The following SNRNP70 variants were observed in gnomAD, a reference collection of about 807,000 sequenced individuals.
SNRNP70 encodes U1 small nuclear ribonucleoprotein 70 kDa.
Under a neutral mutation model 50.5 loss-of-function variants are expected in SNRNP70, and 8 were observed. That is an observed-to-expected ratio of 0.16 (90% CI 0.09 to 0.29). The LOEUF (loss-of-function observed/expected upper bound fraction) is 0.29, where lower values mean the gene tolerates loss of function less well. Among genes scored for constraint, SNRNP70 ranks in the 10% least tolerant of loss-of-function variants. The pLI, the probability that SNRNP70 is intolerant of heterozygous loss-of-function variation, is 1.00. For synonymous variants in SNRNP70, 320 were observed against 252.9 expected, an observed-to-expected ratio of 1.27 and a Z score of -2.52; for missense variants, 529 against 663.5, an observed-to-expected ratio of 0.80 and a Z score of 2.23.
chr19:49,098,753 G>C (rs776571012), intron 6 of SNRNP70, 49 bp downstream of exon 6: 1 of 1,471,264 alleles, frequency 6.8e-7, no homozygotes, highest in South Asian at 1.1e-5. Flanking sequence ...ATGGAGGAGG[G>C]GCTGTATCCT....
chr19:49,085,788 T>C (rs1018204366), intron 1 of SNRNP70, among the ~76,000 whole-genome samples, 152 bp downstream of exon 1: 1 of 152,182 alleles, frequency 6.6e-6, no homozygotes, highest in African/African-American at 2.4e-5. Context: ...CCCCGAAATC[T>C]CTGGGCACCC....
At chr19:49,087,489 C>T (rs1221486950) in intron 2 of SNRNP70, 1 of 152,142 alleles carries the variant, frequency 6.6e-6, no homozygotes, top group Non-Finnish European at 1.5e-5. Flanking sequence ...AGATGATGTT[C>T]ATAAAGGCTT....
At chr19:49,094,201 G>A (rs1386198727) in intron 4 of SNRNP70, among the ~76,000 whole-genome samples, 1 of 151,798 alleles carries the variant, frequency 6.6e-6, no homozygotes, top group East Asian at 1.9e-4. Flanking sequence ...TGTGCTATCT[G>A]GAATTTCATT....
intron 2 of SNRNP70, among the ~76,000 whole-genome samples, chr19:49,089,434 G>A (rs1042249907): frequency 1.3e-5 from 2 of 151,478 alleles, no homozygotes; most frequent in Admixed American, 6.6e-5. Flanking sequence ...CCCAGATCGC[G>A]CCATTGCACA....
chr19:49,100,885 C>T (rs2040576014), intron 6 of SNRNP70, among the ~76,000 whole-genome samples: 1 of 152,066 alleles, frequency 6.6e-6, no homozygotes, highest in Non-Finnish European at 1.5e-5. Flanking sequence ...CCATTTGTGT[C>T]CTCCTGACTC....
intron 4 of SNRNP70, among the ~76,000 whole-genome samples, chr19:49,095,601 C>T (rs975061817): frequency 1.3e-5 from 2 of 148,864 alleles, no homozygotes; most frequent in Admixed American, 1.4e-4. Flanking sequence ...GTGGCACGAT[C>T]TCGGTTTACT....
intron 3 of SNRNP70, 35 bp from the exon 4 acceptor site, chr19:49,090,431 G>A: frequency 6.2e-7 from 1 of 1,613,658 alleles, no homozygotes; most frequent in Non-Finnish European, 8.5e-7. Flanking sequence ...ACTTCTATCT[G>A]CATTCACTTC....
rs1568423210 is a variant in SNRNP70 at position 49,104,969 on chromosome 19, G to A, written c.577+234G>A. 6.6e-6 allele frequency among the ~76,000 whole-genome samples: 1 copy of A among 152,194 alleles called. No individual in the cohort carries two copies. Among genetic ancestry groups the A allele is most frequent in the African/African-American group, 2.4e-5 (1 of 41,454 alleles). The stretch of plus-strand genomic sequence containing the variant: ...AGCCTGGAGAGGCCTGAGCCCACAT[G>A]CTGGCGTCCGCCCTTGCTAGCTGGG... On this transcript the variant is annotated intron_variant, in intron 8 of 9. Coordinates refer to ENST00000598441, the MANE Select transcript of SNRNP70 (RefSeq NM_003089.6). This position sits in a 1 kb window ranked among gnomAD's most constrained non-coding sequence, Gnocchi z 5.4.
At chr19:49,096,411 G>C (rs890294488) in intron 4 of SNRNP70, among the ~76,000 whole-genome samples, 7 of 152,142 alleles carry the variant, frequency 4.6e-5, no homozygotes, top group Non-Finnish European at 8.8e-5. Context: ...GTTGTTTTCA[G>C]ACGTTTCCAT....
At chr19:49,101,925 G>A (rs2040593460) in intron 7 of SNRNP70, among the ~76,000 whole-genome samples, 1 of 150,404 alleles carries the variant, frequency 6.6e-6, no homozygotes, top group African/African-American at 2.5e-5. Context: ...CCCAACCCTG[G>A]CCCCCCACCC....
Position 49,107,185 on chromosome 19 carries a change from C to T in SNRNP70, c.578-440C>T, listed in dbSNP as rs2122411271. Among the ~76,000 whole-genome samples the T allele has an allele frequency of 6.6e-6, 1 of 152,188 alleles. No individual in the cohort carries two copies. The highest frequency in any genetic ancestry group is 1.9e-4 in the East Asian group (1 of 5,190). On this transcript the variant is annotated intron_variant, in intron 8 of 9. Coordinates refer to ENST00000598441, the MANE Select transcript of SNRNP70 (RefSeq NM_003089.6). This position sits in a 1 kb window ranked among gnomAD's most constrained non-coding sequence, Gnocchi z 6.0. ...AGCCGCGGCTCAGACGCTAGCAGGG[C>T]CCGCTCTTGCTGCCTCTACCACCAG...
Position 49,108,564 on chromosome 19 carries a change from C to T in SNRNP70, c.*121C>T. 5 of 1,274,124 alleles carry T rather than the reference C, an allele frequency of 3.9e-6. No homozygotes were observed. Among genetic ancestry groups the T allele is most frequent in the Non-Finnish European group, 5.3e-6 (5 of 946,344 alleles). The allele number at this position is 1,274,124 out of a possible 1,614,324, so 78.9% of individuals were successfully genotyped here. A position where few individuals can be genotyped will look rare whatever the true frequency, so the allele number is the denominator to read the frequency against. On this transcript the variant is annotated 3_prime_UTR_variant, in exon 10 of 10. Coordinates refer to ENST00000598441, the MANE Select transcript of SNRNP70 (RefSeq NM_003089.6). ...TCCAAGGGTAGGTGTCTCATTTGTT[C>T]TGGCCCCTTGGATTTAAAAATAAAA... is the stretch of plus-strand genomic sequence containing the variant.
chr19:49,094,018 C>G (rs2040483243), intron 4 of SNRNP70, among the ~76,000 whole-genome samples: 1 of 151,928 alleles, frequency 6.6e-6, no homozygotes, highest in African/African-American at 2.4e-5. Context: ...AGCAAGACTC[C>G]TTCTCAAAAA....
rs555147286 is a variant in SNRNP70 at position 49,102,666 on chromosome 19, G to A, written c.475+1195G>A. The stretch of plus-strand genomic sequence containing the variant: ...TTACTGTGGTTGAGGCCTCCCGAGG[G>A]GGCTGGCTGTGGTGTCCAGCAGCTC... On this transcript the variant is annotated intron_variant, in intron 7 of 9. Transcript: ENST00000598441. 4.4e-5 allele frequency: 7 copies of A among 160,000 alleles called. 1 individual carries two copies. In the South Asian group the frequency reaches 1.2e-3, roughly 28 times the overall value. The allele number at this position is 160,000 out of a possible 1,614,324, so 9.9% of individuals were successfully genotyped here.
chr19:49,093,495 A>G (rs913452220), intron 4 of SNRNP70, among the ~76,000 whole-genome samples: 2 of 151,692 alleles, frequency 1.3e-5, no homozygotes, highest in Middle Eastern at 6.8e-3. Context: ...CCTGGCCAAC[A>G]TGGTGAAACC....
In SNRNP70 at chr19:49,104,709, T is replaced by C. The variant is rs1202120553; in HGVS notation, c.551T>C (p.Val184Ala). The C allele has an allele frequency of 6.4e-7, 1 of 1,555,806 alleles. No individual in the cohort carries two copies. Among genetic ancestry groups the C allele is most frequent in the Admixed American group, 1.9e-5 (1 of 51,474 alleles). Reference protein sequence around the residue: ...VLVDVERGRTVKGWRPRRLGG... With the variant: ...VLVDVERGRTAKGWRPRRLGG... ...GTGGACGTGGAGAGGGGCCGAACCG[T>C]GAAGGGCTGGAGGCCCCGGCGGCTA... Residue 184 changes from valine to alanine, a missense_variant, in exon 8 of 10, where the codon GTG becomes GCG. Physicochemically the swap from Val to Ala is moderately conservative, Grantham distance 64. Coordinates refer to ENST00000598441, the MANE Select transcript of SNRNP70 (RefSeq NM_003089.6). The surrounding 1 kb of genome is among the most constrained non-coding windows in gnomAD (Gnocchi z 5.4).
chr19:49,086,871 CA>C (rs199903067), intron 2 of SNRNP70, among the ~76,000 whole-genome samples: 7 of 123,316 alleles, frequency 5.7e-5, no homozygotes, highest in East Asian at 4.1e-4. Context: ...CTTCGTCTCT[CA>C]AAAAAAAAAT....
At chr19:49,094,136 TA>T (rs766947804) in intron 4 of SNRNP70, among the ~76,000 whole-genome samples, 1 of 152,190 alleles carries the variant, frequency 6.6e-6, no homozygotes, top group Non-Finnish European at 1.5e-5. Flanking sequence ...CTCTAAGATG[TA>T]ATAGTGGCAC....
chr19:49,098,796 A>ATG, intron 6 of SNRNP70, 92 bp downstream of exon 6: 1 of 1,006,672 alleles, frequency 9.9e-7, no homozygotes, highest in Admixed American at 1.7e-5. Context: ...AGCCCTGAGC[A>ATG]TGGCTCACAC....
Sources: allele counts gnomAD v4.1 joint callset (sites outside exome capture counted in the v4.1 genomes callset), GRCh38; gene constraint gnomAD v4.1.1; non-coding constraint Gnocchi (gnomAD v3.1); transcripts MANE v1.5; gene names NCBI Gene and HGNC (gene_info 2026-07-23, HGNC 2026-07-21).